HP1BP3: variants seen among roughly 807,000 people sequenced by gnomAD.
The protein encoded by HP1BP3 is heterochromatin protein 1 binding protein 3.
A neutral mutation model predicts 62.5 loss-of-function variants in HP1BP3; 12 were observed. That is an observed-to-expected ratio of 0.19 (90% CI 0.12 to 0.31). The LOEUF is 0.31. HP1BP3 is among the 10% of genes least tolerant of loss of function. The probability of loss-of-function intolerance (pLI) is 1.00; values close to 1 mark genes in which losing one functional copy is unlikely to be tolerated. For synonymous variants in HP1BP3, 260 were observed against 237.8 expected (o/e 1.09, Z -0.86); for missense variants, 502 against 651.8 (o/e 0.77, Z 2.50).
At chr1:20,756,922 C>T (rs983712430) in intron 9 of HP1BP3, among the ~76,000 whole-genome samples, 1 of 152,140 alleles carries the variant, frequency 6.6e-6, no homozygotes, top group African/African-American at 2.4e-5. Context: ...TTTCACCAGG[C>T]TGGTCTCGAA....
At chr1:20,750,278 T>C (rs490879) in intron 9 of HP1BP3, 3,316 of 119,804 alleles carry the variant, frequency 0.028, 127 homozygotes, top group African/African-American at 0.093. Flanking sequence ...GGCCAGGAGT[T>C]CGAGACCAGC....
At position 20,776,625 on chromosome 1, in the gene HP1BP3, T is replaced by C. The variant is rs2057315385; in HGVS notation, c.322A>G (p.Asn108Asp). 3 of 1,613,324 alleles carry C rather than the reference T, an allele frequency of 1.9e-6. No homozygotes were observed. The African/African-American group carries it at 4.0e-5, about 22-fold the overall frequency. Residue 108 changes from asparagine (N) to aspartate (D), a missense_variant, in exon 4 of 13, where the codon AAT becomes GAT. Transcript: ENST00000438032. The part of the protein sequence containing the change: ...GEPENEEKEE[N>D]KSSEETKKDE... ...TTTTTGGTTTCCTCAGAAGACTTAT[T>C]TTCTTCCTTCTCTTCATTCTCAGGT...
Position 20,744,904 on chromosome 1 carries a change from GT to G in HP1BP3, c.1554del (p.Lys518AsnfsTer18). On this transcript the variant is annotated frameshift_variant, in exon 13 of 13. Transcript: ENST00000438032. LOFTEE classifies it high-confidence loss of function. ...KTRPSSTVIK[K>X]PSGGSSKKPA... ...GGCTTCTTTGAGGAGCCACCACTAG[GT>G]TTCTTGATGACTGTGGATGAGGGTC... 1.2e-6 allele frequency: 2 copies of G among 1,614,176 alleles called. No homozygotes were observed. The highest frequency in any genetic ancestry group is 3.3e-4 in the Middle Eastern group (2 of 6,060).
intron 7 of HP1BP3, among the ~76,000 whole-genome samples, chr1:20,766,898 G>A (rs1159230860): frequency 1.3e-5 from 2 of 151,970 alleles, no homozygotes; most frequent in African/African-American, 2.4e-5. Context: ...AGCCAAGATC[G>A]TGCCACTGCA....
chr1:20,769,352 G>A (rs2056945234), intron 6 of HP1BP3, among the ~76,000 whole-genome samples: 2 of 152,108 alleles, frequency 1.3e-5, no homozygotes, highest in Admixed American at 1.3e-4. Context: ...GGGCCCAGGA[G>A]CTTGAGACCA....
intron 1 of HP1BP3, among the ~76,000 whole-genome samples, chr1:20,785,696 A>G (rs759950523): frequency 4.6e-5 from 7 of 152,236 alleles, no homozygotes; most frequent in African/African-American, 9.6e-5. Context: ...TGAAGAGTTC[A>G]GTATACGTTC....
At chr1:20,780,980 T>C (rs1363763607) in intron 1 of HP1BP3, among the ~76,000 whole-genome samples, 6 of 152,182 alleles carry the variant, frequency 3.9e-5, no homozygotes, top group Admixed American at 1.3e-4. Flanking sequence ...ACTTTTTTTT[T>C]CCTTCTATTA....
At chr1:20,776,885 G>A (rs2057327321) in intron 3 of HP1BP3, 135 bp from the exon 4 acceptor site, 1 of 664,808 alleles carries the variant, frequency 1.5e-6, no homozygotes. Flanking sequence ...GAAAATGAAT[G>A]ACCACTAATG....
At chr1:20,777,547 T>C (rs1302345477) in intron 3 of HP1BP3, among the ~76,000 whole-genome samples, 1 of 151,958 alleles carries the variant, frequency 6.6e-6, no homozygotes, top group Non-Finnish European at 1.5e-5. Context: ...AACTTCCACC[T>C]CCCCAGGTTC....
intron 1 of HP1BP3, among the ~76,000 whole-genome samples, chr1:20,786,951 C>A (rs989786837): frequency 6.6e-6 from 1 of 151,968 alleles, no homozygotes; most frequent in Admixed American, 6.5e-5. Flanking sequence ...GCGCGCGCGC[C>A]GGAGGGCCCC....
At chr1:20,754,801 C>T (rs1200833883) in intron 9 of HP1BP3, among the ~76,000 whole-genome samples, 1 of 152,158 alleles carries the variant, frequency 6.6e-6, no homozygotes, top group Non-Finnish European at 1.5e-5. Flanking sequence ...ATACCCTTAC[C>T]TCTCACTATA....
intron 8 of HP1BP3, among the ~76,000 whole-genome samples, chr1:20,759,954 T>C (rs1446112576): frequency 7.1e-6 from 1 of 139,974 alleles, no homozygotes; most frequent in Non-Finnish European, 1.5e-5. Flanking sequence ...AGTGGCACAA[T>C]CTCGGCTCAC....
chr1:20,780,461 G>C lies in HP1BP3; in HGVS notation c.-21C>G. The C allele has an allele frequency of 1.3e-6, 2 of 1,535,206 alleles. No individual in the cohort carries two copies. The highest frequency in any genetic ancestry group is 1.8e-6 in the Non-Finnish European group (2 of 1,108,026). On this transcript the variant is annotated 5_prime_UTR_variant, in exon 2 of 13. Coordinates refer to ENST00000438032, the MANE Select transcript of HP1BP3 (RefSeq NM_001372052.1). Reference sequence around the variant, plus strand: ...GCCATTTTAAATAATTTCTAGGCCCGAGTACAGGTTACACTCTGAAGCCTC... The same window carrying C: ...GCCATTTTAAATAATTTCTAGGCCCCAGTACAGGTTACACTCTGAAGCCTC...
At chr1:20,752,980 C>T (rs2055868943) in intron 9 of HP1BP3, among the ~76,000 whole-genome samples, 1 of 151,512 alleles carries the variant, frequency 6.6e-6, no homozygotes, top group East Asian at 1.9e-4. Context: ...CTCATTCTGT[C>T]ACCCAGGCTG....
chr1:20,746,181 C>CATAT lies in HP1BP3; in HGVS notation c.1254-529_1254-526dup, dbSNP rs199691505. On this transcript the variant is annotated intron_variant, in intron 11 of 12. Transcript: ENST00000438032. ...ATATCCTTAAATGATAACATACATA[C>CATAT]ATATATGTGTGTGTGTGTGTGTGTG... Among the ~76,000 whole-genome samples the CATAT allele has an allele frequency of 2.4e-4, 23 of 94,256 alleles. No individual in the cohort carries two copies. The East Asian group carries it at 3.0e-3, about 12-fold the overall frequency. 61.8% of individuals were successfully genotyped at this position (94,256 alleles called of 152,430 possible).
At chr1:20,779,535 C>A (rs1052574037) in intron 3 of HP1BP3, among the ~76,000 whole-genome samples, 1 of 152,158 alleles carries the variant, frequency 6.6e-6, no homozygotes, top group Non-Finnish European at 1.5e-5. Context: ...CAGAATGCTA[C>A]TCTCTGGCCA....
At position 20,741,105 on chromosome 1, in the gene HP1BP3, A is replaced by G. The variant is rs1184336771; in HGVS notation, c.*3692T>C. On this transcript the variant is annotated 3_prime_UTR_variant, in exon 13 of 13. Coordinates refer to ENST00000438032, the MANE Select transcript of HP1BP3 (RefSeq NM_001372052.1). ...GGAAACAGTTTAATGGTCTTTTCCA[A>G]TTAAGAATAGAATTTCTTTTCTTTC... 6.6e-6 allele frequency among the ~76,000 whole-genome samples: 1 copy of G among 152,264 alleles called. No individual in the cohort carries two copies. Among genetic ancestry groups the G allele is most frequent in the Non-Finnish European group, 1.5e-5 (1 of 68,044 alleles).
At chr1:20,777,465 A>AT (rs1004259113) in intron 3 of HP1BP3, among the ~76,000 whole-genome samples, 24 of 149,578 alleles carry the variant, frequency 1.6e-4, no homozygotes, top group East Asian at 5.9e-4. Flanking sequence ...TTATTTATTT[A>AT]TTTTTTTTTT....
intron 9 of HP1BP3, among the ~76,000 whole-genome samples, chr1:20,752,723 T>TA (rs536447484): frequency 3.3e-5 from 5 of 152,018 alleles, no homozygotes; most frequent in South Asian, 4.1e-4. Context: ...ACTTATGGTT[T>TA]AAAAAAAAGA....
Sources: allele counts gnomAD v4.1 joint callset (sites outside exome capture counted in the v4.1 genomes callset), GRCh38; gene constraint gnomAD v4.1.1; transcripts MANE v1.5; gene names NCBI Gene and HGNC (gene_info 2026-07-23, HGNC 2026-07-21).